Variants in KIAA1549L observed in about 807,000 individuals in gnomAD.
The protein encoded by KIAA1549L is UPF0606 protein KIAA1549L.
A neutral mutation model predicts 160.7 loss-of-function variants in KIAA1549L; 88 were observed. The ratio of observed to expected loss-of-function variants is 0.55; its 90% CI spans 0.46 to 0.65. The LOEUF (loss-of-function observed/expected upper bound fraction) is 0.65. Ranked by LOEUF, KIAA1549L falls within the 30% of genes least tolerant of loss-of-function variation. The probability of loss-of-function intolerance (pLI) is 0.00; values close to 1 mark genes in which losing one functional copy is unlikely to be tolerated. For missense variants in KIAA1549L, 2,258 were observed against 2,437.5 expected (o/e 0.93, Z 1.55); for synonymous variants, 950 against 976.7 (o/e 0.97, Z 0.51).
intron 8 of KIAA1549L, among the ~76,000 whole-genome samples, chr11:33,564,176 A>T (rs563849672): frequency 2.5e-4 from 38 of 152,120 alleles, no homozygotes; most frequent in Non-Finnish European, 3.7e-4. Context: ...CTTCCCTTTG[A>T]CCTGTGACCA....
chr11:33,447,234 T>C (rs1206281258), intron 1 of KIAA1549L, among the ~76,000 whole-genome samples: 2 of 149,474 alleles, frequency 1.3e-5, no homozygotes, highest in Admixed American at 1.3e-4. Context: ...CCCTGAACGC[T>C]TGAAGTACAT....
At chr11:33,480,169 C>T (rs549038216) in intron 1 of KIAA1549L, among the ~76,000 whole-genome samples, 1 of 152,240 alleles carries the variant, frequency 6.6e-6, no homozygotes, top group Admixed American at 6.5e-5. Context: ...ATTACAAGTT[C>T]ATTTCCACAA....
chr11:33,607,257 C>G (rs1335861584), intron 14 of KIAA1549L, among the ~76,000 whole-genome samples: 1 of 152,062 alleles, frequency 6.6e-6, no homozygotes, highest in African/African-American at 2.4e-5. Flanking sequence ...GTGGGCCACT[C>G]TGGGGACTTT....
In KIAA1549L at chr11:33,574,738, C is replaced by G. The variant is rs765587467; in HGVS notation, c.4267C>G (p.Pro1423Ala). The change falls in exon 10 of 21, where the codon CCA becomes GCA. Residue 1423 changes from proline to alanine, a missense_variant. Coordinates refer to ENST00000658780, the MANE Select transcript of KIAA1549L (RefSeq NM_012194.3). ...KMQRVPGPKD[P>A]AELTYYTLYN... ...GCAGCGTGTCCCAGGCCCGAAGGAC[C>G]CAGCGGAGCTGACTTACTATACCCT... The G allele has an allele frequency of 1.9e-6, 3 of 1,613,414 alleles. No homozygotes were observed. Among genetic ancestry groups the G allele is most frequent in the Non-Finnish European group, 2.5e-6 (3 of 1,179,570 alleles).
chr11:33,408,052 T>A (rs4755589), intron 1 of KIAA1549L, among the ~76,000 whole-genome samples: 43,188 of 152,056 alleles, frequency 0.28, 6,499 homozygotes, highest in East Asian at 0.56. Context: ...TCAAGGGGTG[T>A]TAAGATAATA....
chr11:33,449,396 T>C (rs1460798444), intron 1 of KIAA1549L, among the ~76,000 whole-genome samples: 3 of 152,158 alleles, frequency 2.0e-5, no homozygotes, highest in African/African-American at 7.2e-5. Flanking sequence ...TAACTGAGAC[T>C]TGCCTGGAGA....
At chr11:33,479,242 A>G (rs1391326199) in intron 1 of KIAA1549L, among the ~76,000 whole-genome samples, 4 of 152,192 alleles carry the variant, frequency 2.6e-5, no homozygotes, top group Non-Finnish European at 4.4e-5. Context: ...CTGCACTTGT[A>G]GCAACAAGGA....
intron 1 of KIAA1549L, among the ~76,000 whole-genome samples, chr11:33,393,458 A>G (rs907640153): frequency 7.2e-5 from 11 of 152,212 alleles, no homozygotes; most frequent in African/African-American, 1.7e-4. Flanking sequence ...CCCGGGTACA[A>G]TGGGGTCCTG....
At chr11:33,552,518 G>C (rs765716258) in intron 6 of KIAA1549L, among the ~76,000 whole-genome samples, 47 of 152,060 alleles carry the variant, frequency 3.1e-4, no homozygotes, top group Non-Finnish European at 5.4e-4. Context: ...GAACTAGGCT[G>C]TACTGTATAT....
chr11:33,627,508 T>G (rs1851151284), intron 16 of KIAA1549L, among the ~76,000 whole-genome samples: 1 of 152,106 alleles, frequency 6.6e-6, no homozygotes, highest in Non-Finnish European at 1.5e-5. Context: ...GTCGAGGAAT[T>G]TATCCATTTC....
chr11:33,545,187 C>T lies in KIAA1549L; in HGVS notation c.3194C>T (p.Thr1065Met), dbSNP rs777116459. ...PTNLEMPRAS[T>M]PRPLTVTAAL... The stretch of plus-strand genomic sequence containing the variant: ...AACCTGGAGATGCCCAGAGCATCCA[C>T]GCCACGCCCACTGACAGTCACGGCC... The change falls in exon 3 of 21, where the codon ACG becomes ATG. Residue 1065 changes from threonine (T) to methionine (M), a missense_variant. Thr to Met is a moderately conservative substitution (Grantham distance 81). Around this residue, in one of 6 missense-constraint regions of KIAA1549L, gnomAD observed 1,359 missense variants for 1,546.6 expected, o/e 0.88. Coordinates refer to ENST00000658780, the MANE Select transcript of KIAA1549L (RefSeq NM_012194.3). 1.2e-4 allele frequency: 201 copies of T among 1,613,920 alleles called. No individual in the cohort carries two copies. Among genetic ancestry groups the T allele is most frequent in the Admixed American group, 2.0e-4 (12 of 60,010 alleles).
intron 16 of KIAA1549L, among the ~76,000 whole-genome samples, chr11:33,620,387 A>G (rs974915470): frequency 3.9e-5 from 6 of 152,232 alleles, no homozygotes; most frequent in South Asian, 2.1e-4. Context: ...CTTCAGAGAA[A>G]AATGATCATC....
chr11:33,616,410 C>T (rs754550680), intron 15 of KIAA1549L, among the ~76,000 whole-genome samples: 1 of 152,180 alleles, frequency 6.6e-6, no homozygotes, highest in Non-Finnish European at 1.5e-5. Context: ...AGCCCCTGAC[C>T]CATCACTGTG....
intron 1 of KIAA1549L, among the ~76,000 whole-genome samples, chr11:33,524,418 T>C (rs1330188605): frequency 1.3e-5 from 2 of 152,168 alleles, no homozygotes; most frequent in African/African-American, 4.8e-5. Flanking sequence ...AAGAGGTCTT[T>C]TGAACTTATT....
intron 1 of KIAA1549L, among the ~76,000 whole-genome samples, chr11:33,535,173 G>A (rs963914006): frequency 2.0e-5 from 3 of 152,094 alleles, no homozygotes; most frequent in African/African-American, 4.8e-5. Context: ...CTTATTTCTG[G>A]CTATCAGCTC....
intron 8 of KIAA1549L, among the ~76,000 whole-genome samples, chr11:33,566,625 C>G (rs765180520): frequency 2.0e-5 from 3 of 152,240 alleles, no homozygotes; most frequent in African/African-American, 7.2e-5. Context: ...TTTCAGAGAC[C>G]TAGCTGTGAC....
intron 1 of KIAA1549L, among the ~76,000 whole-genome samples, chr11:33,428,527 A>C (rs1851166326): frequency 6.9e-6 from 1 of 145,904 alleles, no homozygotes. Flanking sequence ...TTCAGTTCCC[A>C]CCTATGAGTG....
chr11:33,422,507 TTCCCTCCCTCCCC>T (rs1441707985), intron 1 of KIAA1549L, among the ~76,000 whole-genome samples: 1 of 116,688 alleles, frequency 8.6e-6, no homozygotes, highest in Non-Finnish European at 1.8e-5. Context: ...ACTCCCTCCC[TTCCCTCCCTCCCC>T]TCCCTTCCCC....
intron 1 of KIAA1549L, among the ~76,000 whole-genome samples, chr11:33,530,423 AAAAAAAAAAAAAAATATATAT>A (rs1254697957): frequency 2.0e-4 from 3 of 14,820 alleles, no homozygotes; most frequent in African/African-American, 8.2e-4. Context: ...GGAAAAAAAA[AAAAAAAAAAAAAAATATATAT>A]ATATATATAT....
Sources: gnomAD v4.1 joint callset for allele counts (sites outside exome capture counted in the v4.1 genomes callset) on GRCh38, gnomAD v4.1.1 for gene constraint, gnomAD v4.1.1 regional missense constraint, MANE v1.5 for transcripts, NCBI Gene and HGNC (gene_info 2026-07-23, HGNC 2026-07-21) for gene names.